MAPRE2: variants seen among roughly 807,000 people sequenced by gnomAD.
MAPRE2 encodes microtubule-associated protein RP/EB family member 2.
In MAPRE2, 13 loss-of-function variants were observed where a neutral mutation model predicts 43.2. The observed-to-expected ratio is 0.30, with a 90% CI of 0.20 to 0.48. The LOEUF is 0.48. MAPRE2 is among the 20% of genes least tolerant of loss of function. The pLI is 0.99. For synonymous variants in MAPRE2, 135 were observed against 148.8 expected, an observed-to-expected ratio of 0.91 and a Z score of 0.68; for missense variants, 161 against 400.2, an observed-to-expected ratio of 0.40 and a Z score of 5.10.
chr18:35,068,825 A>G (rs1254179025), intron 1 of MAPRE2, among the ~76,000 whole-genome samples: 1 of 152,212 alleles, frequency 6.6e-6, no homozygotes, highest in Non-Finnish European at 1.5e-5. Flanking sequence ...CTGCCTTCTG[A>G]TGGAAGTTCA....
chr18:35,129,687 T>C (rs1910061854), intron 5 of MAPRE2, among the ~76,000 whole-genome samples: 1 of 152,068 alleles, frequency 6.6e-6, no homozygotes, highest in South Asian at 2.1e-4. Flanking sequence ...CACGGATGGG[T>C]GTCGATTAGC....
At chr18:34,991,729 G>A (rs960554342) in intron 1 of MAPRE2, among the ~76,000 whole-genome samples, 3 of 152,138 alleles carry the variant, frequency 2.0e-5, no homozygotes, top group African/African-American at 7.2e-5. Context: ...AATTTGCCCA[G>A]ACCTGGGACC....
chr18:35,031,191 T>C (rs1377744436), intron 2 of MAPRE2, among the ~76,000 whole-genome samples: 1 of 152,222 alleles, frequency 6.6e-6, no homozygotes. Flanking sequence ...CACTCAAGTG[T>C]AAGTTCAGGG....
intron 5 of MAPRE2, among the ~76,000 whole-genome samples, chr18:35,129,182 C>T (rs934035812): frequency 1.3e-5 from 2 of 152,224 alleles, no homozygotes. Flanking sequence ...GGAAGACACA[C>T]CCTGAATTCT....
intron 1 of MAPRE2, among the ~76,000 whole-genome samples, chr18:34,989,317 T>A (rs607096): frequency 2.0e-5 from 3 of 152,032 alleles, no homozygotes; most frequent in Non-Finnish European, 1.5e-5. Context: ...TGTCTCTAGC[T>A]TTGGGGTCTT....
chr18:35,097,266 C>A (rs1603400666), intron 2 of MAPRE2, among the ~76,000 whole-genome samples, 180 bp from the exon 3 acceptor site: 2 of 152,058 alleles, frequency 1.3e-5, no homozygotes, highest in East Asian at 3.8e-4. Flanking sequence ...GAGGTACAGT[C>A]CCTTCCCTCT....
intron 2 of MAPRE2, among the ~76,000 whole-genome samples, chr18:35,010,313 G>A (rs1349716161): frequency 6.6e-6 from 1 of 152,192 alleles, no homozygotes; most frequent in Non-Finnish European, 1.5e-5. Flanking sequence ...GGCTGAAGCA[G>A]GCAGATCCCT....
chr18:35,021,874 A>T (rs1603390914), intron 2 of MAPRE2, among the ~76,000 whole-genome samples: 1 of 152,282 alleles, frequency 6.6e-6, no homozygotes, highest in Non-Finnish European at 1.5e-5. Flanking sequence ...ACCACGATGA[A>T]TTTAAAAAAC....
chr18:34,995,218 TA>T (rs1244517002), intron 1 of MAPRE2, among the ~76,000 whole-genome samples: 1 of 152,208 alleles, frequency 6.6e-6, no homozygotes. Context: ...CTGACACTTT[TA>T]GGCAGAATAA....
intron 6 of MAPRE2, among the ~76,000 whole-genome samples, chr18:35,133,991 C>T (rs184037678): frequency 6.6e-6 from 1 of 152,272 alleles, no homozygotes; most frequent in African/African-American, 2.4e-5. Context: ...AATGCAAGCA[C>T]CCCAAGAAGA....
At chr18:35,138,242 C>T (rs1156306294) in intron 6 of MAPRE2, among the ~76,000 whole-genome samples, 2 of 152,178 alleles carry the variant, frequency 1.3e-5, no homozygotes, top group Non-Finnish European at 2.9e-5. Context: ...GCTCTGAGAT[C>T]TCCCTGAGGT....
chr18:35,097,930 G>A (rs1309044097), intron 3 of MAPRE2, among the ~76,000 whole-genome samples: 1 of 152,200 alleles, frequency 6.6e-6, no homozygotes, highest in Non-Finnish European at 1.5e-5. Context: ...GAAACATCAT[G>A]TCATGGCAGA....
At chr18:35,041,367 G>T, upstream of MAPRE2, 4 of 1,455,308 alleles carry the variant, frequency 2.7e-6, 1 homozygote, top group South Asian at 4.2e-5. Flanking sequence ...GACGTCAGCT[G>T]CCAGAGGGCG....
intron 4 of MAPRE2, among the ~76,000 whole-genome samples, chr18:35,122,514 A>G (rs1342923957): frequency 1.3e-5 from 2 of 152,236 alleles, no homozygotes; most frequent in Admixed American, 6.5e-5. Context: ...TAGAATTTCA[A>G]GATCCCTCTC....
At chr18:35,127,540 T>C (rs1453544924) in intron 5 of MAPRE2, 1 of 155,796 alleles carries the variant, frequency 6.4e-6, no homozygotes, top group Admixed American at 6.4e-5. Context: ...CTTCAGCTAT[T>C]AGTAGTTGAG....
At chr18:35,121,971 G>T (rs1909696613) in intron 4 of MAPRE2, among the ~76,000 whole-genome samples, 1 of 152,176 alleles carries the variant, frequency 6.6e-6, no homozygotes, top group Non-Finnish European at 1.5e-5. Flanking sequence ...CTAGTGCCCA[G>T]GTAAGGGGGA....
intron 1 of MAPRE2, among the ~76,000 whole-genome samples, chr18:34,980,521 C>T (rs2097015676): frequency 6.6e-6 from 1 of 152,104 alleles, no homozygotes; most frequent in African/African-American, 2.4e-5. Context: ...ACTGCTTGTT[C>T]GTACTGAAGA....
intron 4 of MAPRE2, among the ~76,000 whole-genome samples, chr18:35,113,338 C>T (rs1007406278): frequency 5.9e-5 from 9 of 152,110 alleles, no homozygotes; most frequent in Admixed American, 4.6e-4. Context: ...TAGGAAGAGC[C>T]ATACATTTTT....
intron 1 of MAPRE2, among the ~76,000 whole-genome samples, chr18:34,981,937 T>C (rs567905536): frequency 6.7e-6 from 1 of 148,714 alleles, no homozygotes; most frequent in Non-Finnish European, 1.5e-5. Flanking sequence ...CAGGCTGGAG[T>C]GCAGTGGCGC....
Sources: allele counts gnomAD v4.1 joint callset (sites outside exome capture counted in the v4.1 genomes callset), GRCh38; gene constraint gnomAD v4.1.1; transcripts MANE v1.5; gene names NCBI Gene and HGNC (gene_info 2026-07-23, HGNC 2026-07-21).